Variants in SLC26A6 observed in about 807,000 individuals in gnomAD.
SLC26A6 encodes solute carrier family 26 member 6, also known as anion exchange transporter.
In SLC26A6, 67 loss-of-function variants were observed where a neutral mutation model predicts 87.1. The ratio of observed to expected loss-of-function variants is 0.77; its 90% confidence interval spans 0.63 to 0.94. SLC26A6 has a LOEUF of 0.94. Ranked by LOEUF, SLC26A6 falls within the 40% of genes least tolerant of loss-of-function variation. The pLI is 0.00. For missense variants in SLC26A6, 902 were observed against 973.0 expected, an observed-to-expected ratio of 0.93 and a Z score of 0.97; for synonymous variants, 414 against 405.9, an observed-to-expected ratio of 1.02 and a Z score of -0.24.
Position 48,633,325 on chromosome 3 carries a change from C to T in SLC26A6, c.248G>A (p.Arg83Gln), listed in dbSNP as rs770726528. The T allele has an allele frequency of 9.3e-6, 15 of 1,613,480 alleles. No individual in the cohort carries two copies. The highest frequency in any genetic ancestry group is 3.3e-5 in the Admixed American group (2 of 60,010). ...CAGGAGCCAGTCACGCACAGGATAC[C>T]GGGGTAACCAGACCAAAACCGGGAG... is the stretch of plus-strand genomic sequence containing the variant. Reference protein sequence around the residue: ...QHLPVLVWLPRYPVRDWLLGD... With the variant: ...QHLPVLVWLPQYPVRDWLLGD... Residue 83 changes from arginine to glutamine, a missense_variant, in exon 3 of 21, where the codon CGG becomes CAG. Arg to Gln is a conservative substitution (Grantham distance 43). Coordinates refer to ENST00000395550, the MANE Select transcript of SLC26A6 (RefSeq NM_022911.3).
At chr3:48,630,754 C>T in intron 9 of SLC26A6, 34 bp from the exon 10 acceptor site, 1 of 1,571,046 alleles carries the variant, frequency 6.4e-7, no homozygotes, top group Non-Finnish European at 8.7e-7. Flanking sequence ...GAGAAGACTT[C>T]CTAGAAGTGG....
intron 14 of SLC26A6, 146 bp downstream of exon 14, chr3:48,629,496 C>T: frequency 1.2e-6 from 1 of 849,708 alleles, no homozygotes; most frequent in Non-Finnish European, 1.8e-6. Flanking sequence ...GGTCATAGAC[C>T]TAAACTCCTC....
rs548291792 is a variant in SLC26A6 at position 48,631,998 on chromosome 3, G to A, written c.632C>T (p.Ser211Leu). 1.9e-6 allele frequency: 3 copies of A among 1,613,540 alleles called. No homozygotes were observed. Among genetic ancestry groups the A allele is most frequent in the East Asian group, 4.5e-5 (2 of 44,878 alleles). Residue 211 changes from serine (S) to leucine (L), a missense_variant, in exon 6 of 21, where the codon TCA becomes TTA. Physicochemically the swap from Ser to Leu is moderately radical, Grantham distance 145. Transcript: ENST00000395550. ...IHFGFVVTYLSEPLVRGYTTA... is the reference protein window; with the variant it reads ...IHFGFVVTYLLEPLVRGYTTA... ...GGTATAGCCTCGGACAAGAGGTTCT[G>A]ACAGGTAGGTGACCACGAAGCCGAA...
At position 48,634,839 on chromosome 3, in the gene SLC26A6, C is replaced by T. The variant is rs998000079; in HGVS notation, c.23+532G>A. The T allele has an allele frequency of 4.1e-5, 31 of 763,818 alleles. No homozygotes were observed. In the African/African-American group the frequency reaches 5.7e-4, roughly 14 times the overall value. 47.3% of individuals were successfully genotyped at this position (763,818 alleles called of 1,614,324 possible). A position where few individuals can be genotyped will look rare whatever the true frequency, so the allele number is the denominator to read the frequency against. On this transcript the variant is annotated intron_variant, in intron 1 of 20. Coordinates refer to ENST00000395550, the MANE Select transcript of SLC26A6 (RefSeq NM_022911.3). ...CTATCTCAAGGAGATCGTAGAGCCC[C>T]CTCTCCTTTCCTACGTGAGTCACTC...
At chr3:48,632,644 A>T in intron 4 of SLC26A6, 1 of 697,654 alleles carries the variant, frequency 1.4e-6, no homozygotes. Flanking sequence ...ACCTGTGTCT[A>T]CTGGTCCCGG....
chr3:48,634,145 A>G (rs740787), intron 1 of SLC26A6: 34,622 of 163,488 alleles, frequency 0.21, 5,988 homozygotes, highest in African/African-American at 0.49. Flanking sequence ...AAAGTGTTGG[A>G]GCCAAGCTTG....
rs757082515 is a variant in SLC26A6 at position 48,631,136 on chromosome 3, C to T, written c.991G>A (p.Val331Met). The change falls in exon 9 of 21, where the codon GTG (valine) becomes ATG (methionine). Residue 331 changes from valine (V) to methionine (M), a missense_variant. By Grantham distance (21) the Val-to-Met change is conservative. Transcript: ENST00000395550. ...DVVGNIPAGL[V>M]PPVAPNTQLF... Reference sequence around the variant, plus strand: ...TGGGTGTTGGGGGCCACTGGGGGCACCAGCCTGTGAGAGGTATCTGTGAGG... The same window carrying T: ...TGGGTGTTGGGGGCCACTGGGGGCATCAGCCTGTGAGAGGTATCTGTGAGG... 3 of 1,613,696 alleles carry T rather than the reference C, an allele frequency of 1.9e-6. No individual in the cohort carries two copies. The highest frequency in any genetic ancestry group is 2.2e-5 in the South Asian group (2 of 91,086).
Position 48,625,955 on chromosome 3 carries a change from G to C in SLC26A6, c.*31C>G. On this transcript the variant is annotated 3_prime_UTR_variant, in exon 21 of 21. Coordinates refer to ENST00000395550, the MANE Select transcript of SLC26A6 (RefSeq NM_022911.3). The surrounding 1 kb of genome is among the most constrained non-coding windows in gnomAD (Gnocchi z 4.7). Reference sequence around the variant, plus strand: ...TTCTCAAGGGTGCCCTGCACCTCCAGAGGTGCAGTCTTGGGCAGGATGTAG... The same window carrying C: ...TTCTCAAGGGTGCCCTGCACCTCCACAGGTGCAGTCTTGGGCAGGATGTAG... 6.2e-7 allele frequency: 1 copy of C among 1,613,764 alleles called. No homozygotes were observed. Among genetic ancestry groups the C allele is most frequent in the Non-Finnish European group, 8.5e-7 (1 of 1,179,956 alleles).
chr3:48,629,852 G>A lies in SLC26A6; in HGVS notation c.1529+20C>T, dbSNP rs1387220701. ...ACTCTCTCACTAGCTGGAATGAGGGGACCAACATGGCGGACTCACATCTGT... is the reference window on the plus strand; with the variant it reads ...ACTCTCTCACTAGCTGGAATGAGGGAACCAACATGGCGGACTCACATCTGT... On this transcript the variant is annotated intron_variant, in intron 13 of 20. Coordinates refer to ENST00000395550, the MANE Select transcript of SLC26A6 (RefSeq NM_022911.3). 1.2e-6 allele frequency: 2 copies of A among 1,613,850 alleles called. No homozygotes were observed. Among genetic ancestry groups the A allele is most frequent in the East Asian group, 2.2e-5 (1 of 44,880 alleles).
Position 48,632,304 on chromosome 3 carries a change from T to C in SLC26A6, c.526A>G (p.Arg176Gly). ...LNDSMINETA[R>G]DAARVQVAST... ...GCCACCTGTACCCGGGCAGCATCTCTGGCTGTCTCATTGATCATGGAGTCG... is the reference window on the plus strand; with the variant it reads ...GCCACCTGTACCCGGGCAGCATCTCCGGCTGTCTCATTGATCATGGAGTCG... The change falls in exon 5 of 21, where the codon AGA becomes GGA. Residue 176 changes from arginine to glycine, a missense_variant. Arg to Gly is a moderately radical substitution (Grantham distance 125). This residue lies in a region of SLC26A6 where 800 missense variants were observed against 856.8 expected (regional missense o/e 0.93). Transcript: ENST00000395550. The C allele has an allele frequency of 5.6e-6, 9 of 1,613,120 alleles. No individual in the cohort carries two copies. Among genetic ancestry groups the C allele is most frequent in the South Asian group, 1.1e-5 (1 of 90,954 alleles).
intron 17 of SLC26A6, 34 bp from the exon 18 acceptor site, chr3:48,627,089 TGA>T (rs966862282): frequency 1.2e-6 from 2 of 1,600,464 alleles, no homozygotes; most frequent in South Asian, 1.1e-5. Flanking sequence ...GGGCCACCCA[TGA>T]GAGAGTGAAG....
In SLC26A6 at chr3:48,628,444, A is replaced by T; in HGVS notation, c.1790T>A (p.Leu597His). Residue 597 changes from leucine to histidine, a missense_variant, in exon 16 of 21, where the codon CTT becomes CAT. Physicochemically the swap from Leu to His is moderately conservative, Grantham distance 99 (BLOSUM62 -3). Coordinates refer to ENST00000395550, the MANE Select transcript of SLC26A6 (RefSeq NM_022911.3). The surrounding 1 kb of genome is among the most constrained non-coding windows in gnomAD (Gnocchi z 4.4). ...CAAAAGGGGCCCTGCCTGTTTCCGA[A>T]GCTTCTCCTCTTTCTGCAGTTGCTT... is the stretch of plus-strand genomic sequence containing the variant. Reference protein sequence around the residue: ...KLKQLQKEEKLRKQAASPKGA... With the variant: ...KLKQLQKEEKHRKQAASPKGA... The T allele has an allele frequency of 6.2e-6, 10 of 1,614,002 alleles. No individual in the cohort carries two copies. Among genetic ancestry groups the T allele is most frequent in the Non-Finnish European group, 8.5e-6 (10 of 1,179,978 alleles).
At position 48,631,090 on chromosome 3, in the gene SLC26A6, C is replaced by T. The variant is rs765604829; in HGVS notation, c.1037G>A (p.Gly346Asp). The change falls in exon 9 of 21, where the codon GGC becomes GAC. Residue 346 changes from glycine to aspartate, a missense_variant. Transcript: ENST00000395550. ...PNTQLFSKLV[G>D]SAFTIAVVGF... The stretch of plus-strand genomic sequence containing the variant: ...AACCACAGCGATGGTGAAGGCGCTG[C>T]CCACGAGCTTTGAGAACAGCTGGGT... 22 of 1,613,620 alleles carry T rather than the reference C, an allele frequency of 1.4e-5. No individual in the cohort carries two copies. Among genetic ancestry groups the T allele is most frequent in the Non-Finnish European group, 1.7e-5 (20 of 1,180,048 alleles).
At chr3:48,627,852 C>A (rs1428821462) in intron 17 of SLC26A6, 94 bp downstream of exon 17, 7 of 1,243,190 alleles carry the variant, frequency 5.6e-6, no homozygotes, top group Non-Finnish European at 7.7e-6. Context: ...CTCGAGCCCA[C>A]AGCTGCTGGG....
At chr3:48,626,508 C>T in intron 19 of SLC26A6, 123 bp downstream of exon 19, 2 of 1,547,322 alleles carry the variant, frequency 1.3e-6, no homozygotes, top group Non-Finnish European at 1.8e-6. Flanking sequence ...CTCCTGTCTC[C>T]CAGGACACCT....
At position 48,630,479 on chromosome 3, in the gene SLC26A6, T is replaced by A; in HGVS notation, c.1285A>T (p.Ile429Phe). The change falls in exon 11 of 21, where the codon ATC becomes TTC. Residue 429 changes from isoleucine to phenylalanine, a missense_variant. Around this residue, in one of 3 missense-constraint regions of SLC26A6, gnomAD observed 800 missense variants for 856.8 expected, o/e 0.93. Transcript: ENST00000395550. ...AAGAGTTCCCCAAGTTTGACAATGA[T>A]GAGGAGGATGAAAAGGGAAGAGATG... ...GAISSLFILL[I>F]IVKLGELFHD... The A allele has an allele frequency of 6.4e-7, 1 of 1,561,038 alleles. No homozygotes were observed. Among genetic ancestry groups the A allele is most frequent in the South Asian group, 1.2e-5 (1 of 84,572 alleles).
intron 4 of SLC26A6, 130 bp from the exon 5 acceptor site, chr3:48,632,526 A>G: frequency 7.6e-7 from 1 of 1,314,578 alleles, no homozygotes; most frequent in Non-Finnish European, 1.1e-6. Context: ...CTGCATGAAC[A>G]GGGACAGTGC....
intron 3 of SLC26A6, 34 bp downstream of exon 3, chr3:48,633,217 G>A (rs2046859471): frequency 6.2e-7 from 1 of 1,604,254 alleles, no homozygotes; most frequent in African/African-American, 1.3e-5. Flanking sequence ...ACAGACCACA[G>A]GGTTTCCAGG....
chr3:48,629,775 A>G, intron 13 of SLC26A6, 64 bp from the exon 14 acceptor site: 2 of 1,609,862 alleles, frequency 1.2e-6, no homozygotes, highest in South Asian at 1.1e-5. Context: ...AGGGGTCCGA[A>G]GGAGCCTGAA....
Sources: gnomAD v4.1 joint callset for allele counts on GRCh38, gnomAD v4.1.1 for gene constraint, gnomAD v4.1.1 regional missense constraint, Gnocchi (gnomAD v3.1) non-coding constraint, MANE v1.5 for transcripts, NCBI Gene and HGNC (gene_info 2026-07-23, HGNC 2026-07-21) for gene names.